Variants in ERCC6L2 observed in about 807,000 individuals in gnomAD.
The protein encoded by ERCC6L2 is ERCC excision repair 6 like 2, also known as DNA excision repair protein ERCC-6-like 2.
Under a neutral mutation model 132.0 loss-of-function variants are expected in ERCC6L2, and 77 were observed. The ratio of observed to expected loss-of-function variants is 0.58; its 90% CI spans 0.49 to 0.71. The LOEUF (loss-of-function observed/expected upper bound fraction) is 0.71, where lower values mean the gene tolerates loss of function less well. Ranked by LOEUF, ERCC6L2 falls within the 30% of genes least tolerant of loss-of-function variation. ERCC6L2 has a pLI of 0.00. For missense variants in ERCC6L2, 1,542 were observed against 1,837.6 expected, an observed-to-expected ratio of 0.84 and a Z score of 2.94; for synonymous variants, 583 against 632.4, an observed-to-expected ratio of 0.92 and a Z score of 1.17.
chr9:95,930,083 G>A (rs1830271086), intron 11 of ERCC6L2, among the ~76,000 whole-genome samples: 1 of 152,070 alleles, frequency 6.6e-6, no homozygotes, highest in South Asian at 2.1e-4. Flanking sequence ...GTACTTGGTG[G>A]TGCTGATCCT....
chr9:95,908,852 A>G (rs902686962), intron 4 of ERCC6L2, among the ~76,000 whole-genome samples: 10 of 152,200 alleles, frequency 6.6e-5, no homozygotes, highest in Non-Finnish European at 1.2e-4. Context: ...AAGTTTAGAA[A>G]ATTGGTAATT....
chr9:96,038,347 C>A (rs916338307), intron 19 of ERCC6L2, among the ~76,000 whole-genome samples: 1 of 152,030 alleles, frequency 6.6e-6, no homozygotes, highest in African/African-American at 2.4e-5. Context: ...CCTCTTCCCC[C>A]GAAGTATGTG....
intron 3 of ERCC6L2, among the ~76,000 whole-genome samples, chr9:95,900,752 A>G (rs1195103775): frequency 6.6e-6 from 1 of 152,156 alleles, no homozygotes; most frequent in East Asian, 1.9e-4. Flanking sequence ...TCATGGTCAC[A>G]TGGTTTTATA....
intron 17 of ERCC6L2, among the ~76,000 whole-genome samples, chr9:95,989,613 T>C (rs1406750626): frequency 6.6e-6 from 1 of 152,194 alleles, no homozygotes; most frequent in African/African-American, 2.4e-5. Context: ...AAAAGTTAAA[T>C]AGACCTAAAC....
intron 11 of ERCC6L2, among the ~76,000 whole-genome samples, chr9:95,929,336 T>G (rs1417430883): frequency 6.6e-6 from 1 of 152,196 alleles, no homozygotes; most frequent in Non-Finnish European, 1.5e-5. Flanking sequence ...GAAAGGTAAA[T>G]TGGTTCTAAC....
intron 19 of ERCC6L2, among the ~76,000 whole-genome samples, chr9:96,023,933 G>T (rs1363590955): frequency 1.3e-5 from 2 of 152,196 alleles, no homozygotes; most frequent in African/African-American, 4.8e-5. Context: ...GGACCCGGGA[G>T]CATAACTGAA....
intron 9 of ERCC6L2, 141 bp downstream of exon 9, chr9:95,923,520 A>G (rs1401190822): frequency 3.3e-6 from 3 of 906,660 alleles, no homozygotes; most frequent in Non-Finnish European, 3.3e-6. Flanking sequence ...GTGCAATTGT[A>G]TCAGCATTTA....
intron 13 of ERCC6L2, among the ~76,000 whole-genome samples, chr9:95,965,908 A>G (rs895381876): frequency 7.9e-5 from 12 of 152,208 alleles, no homozygotes; most frequent in Admixed American, 2.0e-4. Context: ...TAAAGTACAC[A>G]TGGGGTTAAT....
intron 11 of ERCC6L2, among the ~76,000 whole-genome samples, chr9:95,932,969 A>G (rs531114854): frequency 6.6e-6 from 1 of 152,336 alleles, no homozygotes; most frequent in South Asian, 2.1e-4. Context: ...TTGTATTATC[A>G]TCAAAGGGAG....
At position 96,033,734 on chromosome 9, in the gene ERCC6L2, C is replaced by T. The variant is rs566515552; in HGVS notation, c.*1504-5142C>T. Among the ~76,000 whole-genome samples the T allele has an allele frequency of 3.2e-4, 49 of 152,248 alleles. No individual in the cohort carries two copies. In the Middle Eastern group the frequency reaches 0.01, roughly 32 times the overall value. The stretch of plus-strand genomic sequence containing the variant: ...CTATCCATGAAATAAAAGGAGATGC[C>T]CCTTTCTGTCTGCAGTTGTCATCTG... On this transcript the variant is annotated intron_variant and NMD_transcript_variant, in intron 19 of 20. Transcript: ENST00000670016.
At chr9:95,975,179 A>G (rs1406139467) in intron 16 of ERCC6L2, among the ~76,000 whole-genome samples, 6 of 152,236 alleles carry the variant, frequency 3.9e-5, no homozygotes, top group Non-Finnish European at 8.8e-5. Flanking sequence ...CTCCCCTCTT[A>G]GACTTCACTT....
intron 17 of ERCC6L2, among the ~76,000 whole-genome samples, chr9:95,991,440 GT>G (rs1833298415): frequency 1.3e-5 from 2 of 152,126 alleles, no homozygotes; most frequent in Admixed American, 1.3e-4. Context: ...TTGTATAATT[GT>G]TTGAGTTGCA....
At position 96,014,326 on chromosome 9, in the gene ERCC6L2, G is replaced by A. The variant is rs1273167284; in HGVS notation, c.*1123G>A. ...ACAGCCTGAGCCGGGAACTGGCTGT[G>A]CTAAAGAGCACTGCTATCAAGTTGA... On this transcript the variant is annotated 3_prime_UTR_variant, in exon 19 of 19. Transcript: ENST00000653738. 1 of 152,196 alleles carries A rather than the reference G, an allele frequency of 6.6e-6. No individual in the cohort carries two copies. The highest frequency in any genetic ancestry group is 1.5e-5 in the Non-Finnish European group (1 of 68,032). 9.4% of individuals were successfully genotyped at this position (152,196 alleles called of 1,614,324 possible). A position where few individuals can be genotyped will look rare whatever the true frequency, so the allele number is the denominator to read the frequency against.
chr9:95,912,732 A>C (rs556514470), intron 4 of ERCC6L2, among the ~76,000 whole-genome samples: 2 of 152,296 alleles, frequency 1.3e-5, no homozygotes, highest in South Asian at 4.1e-4. Flanking sequence ...TCTAATCTAC[A>C]TCATTTTTCC....
chr9:96,019,823 G>C (rs1042274294), downstream of ERCC6L2: 23 of 152,256 alleles, frequency 1.5e-4, no homozygotes, highest in Admixed American at 8.5e-4. Flanking sequence ...TCACGTGAAG[G>C]GGGAAGAAAG....
intron 19 of ERCC6L2, among the ~76,000 whole-genome samples, chr9:96,036,760 A>T (rs111345421): frequency 0.026 from 2,658 of 102,534 alleles, 53 homozygotes; most frequent in African/African-American, 0.061. Context: ...TATTATTATT[A>T]TTATTTTTAT....
In ERCC6L2 at chr9:96,018,440, GA is replaced by G. The variant is rs1161412760; in HGVS notation, c.*5244del. On this transcript the variant is annotated 3_prime_UTR_variant, in exon 19 of 19. Coordinates refer to ENST00000653738, the MANE Select transcript of ERCC6L2 (RefSeq NM_020207.7). ...AAACATTTTCCTTATTAAAAGATTG[GA>G]AAAAAATTCACACATAGCATTGTTT... 6.6e-6 allele frequency among the ~76,000 whole-genome samples: 1 copy of G among 150,972 alleles called. No homozygotes were observed. The highest frequency in any genetic ancestry group is 2.0e-4 in the East Asian group (1 of 5,102).
chr9:95,888,004 G>C (rs527546214), intron 2 of ERCC6L2, among the ~76,000 whole-genome samples: 3 of 150,144 alleles, frequency 2.0e-5, no homozygotes, highest in South Asian at 2.1e-4. Flanking sequence ...ATGTAGTTCT[G>C]ATTTTAGGGG....
intron 12 of ERCC6L2, among the ~76,000 whole-genome samples, chr9:95,953,765 A>G (rs1012987737): frequency 3.9e-5 from 6 of 152,152 alleles, no homozygotes; most frequent in African/African-American, 1.4e-4. Flanking sequence ...AAATAAGAAC[A>G]TAATATAAAT....
Sources: gnomAD v4.1 joint callset for allele counts (sites outside exome capture counted in the v4.1 genomes callset) on GRCh38, gnomAD v4.1.1 for gene constraint, MANE v1.5 for transcripts, NCBI Gene and HGNC (gene_info 2026-07-23, HGNC 2026-07-21) for gene names.